Variants in MTA3 observed in about 807,000 individuals in gnomAD.
MTA3 encodes the protein metastasis-associated protein MTA3.
In MTA3, 34 loss-of-function variants were observed where a neutral mutation model predicts 83.5. The ratio of observed to expected loss-of-function variants is 0.41; its 90% confidence interval spans 0.31 to 0.54. MTA3 has a LOEUF of 0.54. Ranked by LOEUF, MTA3 falls within the 20% of genes least tolerant of loss-of-function variation. MTA3 has a pLI of 0.33. For missense variants in MTA3, 761 were observed against 726.4 expected (o/e 1.05, Z -0.55); for synonymous variants, 303 against 252.7 (o/e 1.20, Z -1.89).
intron 2 of MTA3, among the ~76,000 whole-genome samples, chr2:42,547,123 T>A (rs191324365): frequency 7.2e-5 from 11 of 152,246 alleles, no homozygotes; most frequent in African/African-American, 2.6e-4. Flanking sequence ...ACAGATTTTG[T>A]AGGTCTAGGG....
chr2:42,605,402 A>C (rs1431110420), intron 3 of MTA3, among the ~76,000 whole-genome samples: 3 of 17,990 alleles, frequency 1.7e-4, no homozygotes, highest in Admixed American at 6.0e-4. Context: ...TGACCCCCCC[A>C]CCTCCCTCCC....
At chr2:42,700,871 C>T (rs1693804997) in intron 11 of MTA3, among the ~76,000 whole-genome samples, 2 of 152,272 alleles carry the variant, frequency 1.3e-5, no homozygotes, top group South Asian at 2.1e-4. Flanking sequence ...GAAGCTGAGG[C>T]AGGAAGACTG....
At chr2:42,604,568 TCTTTTC>T (rs1213018610) in intron 3 of MTA3, among the ~76,000 whole-genome samples, 1 of 74,202 alleles carries the variant, frequency 1.3e-5, no homozygotes, top group African/African-American at 8.2e-5. Flanking sequence ...TCTGAATGTT[TCTTTTC>T]TTTTTTTTTT....
At chr2:42,582,621 C>G (rs1679799388) in intron 3 of MTA3, among the ~76,000 whole-genome samples, 2 of 152,008 alleles carry the variant, frequency 1.3e-5, no homozygotes, top group South Asian at 4.1e-4. Context: ...GACCCTGACT[C>G]TATTTTTAAA....
upstream of MTA3, among the ~76,000 whole-genome samples, chr2:42,566,777 CT>C (rs1379821952): frequency 6.6e-6 from 1 of 152,158 alleles, no homozygotes; most frequent in African/African-American, 2.4e-5. Flanking sequence ...GGAAAACATC[CT>C]AAAGCTTGTG....
chr2:42,568,759 T>A lies in MTA3; in HGVS notation c.14T>A (p.Met5Lys). MAANMYRVGDYVYFE... is the reference protein window; with the variant it reads MAANKYRVGDYVYFE... ...GGGCGGGCGGACATGGCGGCCAACA[T>A]GTACCGGGTCGGAGGTAGGCAGGCT... Residue 5 changes from methionine to lysine, a missense_variant, in exon 1 of 17, where the codon ATG becomes AAG. Physicochemically the swap from Met to Lys is moderately conservative, Grantham distance 95. Coordinates refer to ENST00000405094, the MANE Select transcript of MTA3 (RefSeq NM_001330442.2). 1 of 1,218,960 alleles carries A rather than the reference T, an allele frequency of 8.2e-7. No homozygotes were observed. Among genetic ancestry groups the A allele is most frequent in the Non-Finnish European group, 1.0e-6 (1 of 980,700 alleles). The allele number at this position is 1,218,960 out of a possible 1,614,324, so 75.5% of individuals were successfully genotyped here.
intron 3 of MTA3, among the ~76,000 whole-genome samples, chr2:42,596,911 C>CT (rs911787653): frequency 1.6e-4 from 23 of 148,062 alleles, no homozygotes; most frequent in African/African-American, 2.0e-4. Flanking sequence ...CACAAGTTAT[C>CT]TTTTTTTTTT....
At chr2:42,524,604 G>A (rs1442423929) in intron 2 of MTA3, among the ~76,000 whole-genome samples, 1 of 150,584 alleles carries the variant, frequency 6.6e-6, no homozygotes, top group Non-Finnish European at 1.5e-5. Flanking sequence ...GATTACAGGT[G>A]TGAGCCACCG....
intron 2 of MTA3, among the ~76,000 whole-genome samples, chr2:42,514,399 T>C (rs1675040722): frequency 6.6e-6 from 1 of 152,296 alleles, no homozygotes; most frequent in South Asian, 2.1e-4. Flanking sequence ...TTGTTTGTTT[T>C]GAGATAGAGT....
intron 2 of MTA3, among the ~76,000 whole-genome samples, chr2:42,497,539 C>T (rs965582866): frequency 6.6e-6 from 1 of 151,402 alleles, no homozygotes; most frequent in East Asian, 1.9e-4. Flanking sequence ...GAGCCGAGAT[C>T]GCTCCACTGC....
chr2:42,704,195 A>G lies in MTA3; in HGVS notation c.1027A>G (p.Ser343Gly). 1 of 1,613,774 alleles carries G rather than the reference A, an allele frequency of 6.2e-7. No homozygotes were observed. Among genetic ancestry groups the G allele is most frequent in the Non-Finnish European group, 8.5e-7 (1 of 1,179,760 alleles). Residue 343 changes from serine to glycine, a missense_variant and splice_region_variant, in exon 12 of 17, where the codon AGC becomes GGC. Coordinates refer to ENST00000405094, the MANE Select transcript of MTA3 (RefSeq NM_001330442.2). ...KLKQVYIPTY[S>G]KPNPNQISTS... ...ACCTTATTTTAATTTCATTGAAAGC[A>G]GCAAACCAAATCCCAACCAAATATC...
intron 2 of MTA3, among the ~76,000 whole-genome samples, chr2:42,572,492 T>G (rs766536609): frequency 9.2e-5 from 14 of 151,646 alleles, no homozygotes; most frequent in South Asian, 4.2e-4. Context: ...GGAAGATTGC[T>G]TGGGCCCAGG....
intron 3 of MTA3, among the ~76,000 whole-genome samples, chr2:42,589,678 G>T (rs1680737810): frequency 6.6e-6 from 1 of 152,070 alleles, no homozygotes. Flanking sequence ...TCAGCTTCTG[G>T]AGTAGTTGGG....
chr2:42,590,936 C>T (rs1680917162), intron 3 of MTA3, among the ~76,000 whole-genome samples: 1 of 152,076 alleles, frequency 6.6e-6, no homozygotes, highest in Admixed American at 6.6e-5. Context: ...CTTTGAGGTA[C>T]TGTAATTTGA....
intron 2 of MTA3, among the ~76,000 whole-genome samples, chr2:42,497,540 G>A (rs1399215960): frequency 6.6e-6 from 1 of 151,006 alleles, no homozygotes; most frequent in African/African-American, 2.4e-5. Flanking sequence ...AGCCGAGATC[G>A]CTCCACTGCC....
intron 5 of MTA3, among the ~76,000 whole-genome samples, chr2:42,640,704 T>C (rs1687620332): frequency 6.6e-6 from 1 of 152,204 alleles, no homozygotes; most frequent in South Asian, 2.1e-4. Flanking sequence ...ACAAGAAATG[T>C]AGTTAACAAG....
intron 9 of MTA3, among the ~76,000 whole-genome samples, chr2:42,693,091 TC>T (rs1385739136): frequency 6.6e-6 from 1 of 151,902 alleles, no homozygotes; most frequent in Non-Finnish European, 1.5e-5. Context: ...TCTCTCCCTC[TC>T]CCTCTCCCTC....
chr2:42,589,081 C>T (rs1282276481), intron 3 of MTA3, among the ~76,000 whole-genome samples: 1 of 152,098 alleles, frequency 6.6e-6, no homozygotes, highest in African/African-American at 2.4e-5. Flanking sequence ...AAAATATTTT[C>T]ATAACAATAT....
At chr2:42,520,401 A>G (rs1269153878) in intron 2 of MTA3, among the ~76,000 whole-genome samples, 5 of 152,024 alleles carry the variant, frequency 3.3e-5, no homozygotes, top group Non-Finnish European at 7.4e-5. Context: ...ACCACCATCC[A>G]CCTGCTTCAG....
Sources: allele counts gnomAD v4.1 joint callset (sites outside exome capture counted in the v4.1 genomes callset), GRCh38; gene constraint gnomAD v4.1.1; transcripts MANE v1.5; gene names NCBI Gene and HGNC (gene_info 2026-07-23, HGNC 2026-07-21).